Variants in ANKRD11 observed in about 807,000 individuals in gnomAD.
ANKRD11 encodes ankyrin repeat domain 11.
ANKRD11 carries 17 observed loss-of-function variants against 195.7 expected under a neutral mutation model. That is an observed-to-expected ratio of 0.09 (90% CI 0.06 to 0.13). ANKRD11 has a LOEUF of 0.13. ANKRD11 is among the 10% of genes least tolerant of loss of function. The pLI is 1.00. For synonymous variants in ANKRD11, 1,953 were observed against 1,528.1 expected (o/e 1.28, Z -6.49); for missense variants, 3,735 against 3,566.1 (o/e 1.05, Z -1.21).
chr16:89,448,652 A>G (rs1290889568), intron 1 of ANKRD11, among the ~76,000 whole-genome samples: 2 of 152,262 alleles, frequency 1.3e-5, no homozygotes, highest in Non-Finnish European at 2.9e-5. Flanking sequence ...AAAAGCAGGC[A>G]TTTAATTGCA....
intron 1 of ANKRD11, among the ~76,000 whole-genome samples, chr16:89,433,228 G>A (rs538899844): frequency 6.6e-6 from 1 of 152,192 alleles, no homozygotes; most frequent in Non-Finnish European, 1.5e-5. Context: ...AGGGTTTCAT[G>A]ACAAGGCCCA....
At chr16:89,442,512 C>A (rs533131934) in intron 1 of ANKRD11, among the ~76,000 whole-genome samples, 1 of 152,306 alleles carries the variant, frequency 6.6e-6, no homozygotes, top group Admixed American at 6.5e-5. Context: ...CTGTTTGTCT[C>A]TGTTTCTCTC....
intron 2 of ANKRD11, among the ~76,000 whole-genome samples, chr16:89,384,527 A>G (rs1426718706): frequency 2.3e-5 from 3 of 129,150 alleles, no homozygotes; most frequent in Admixed American, 8.2e-5. Context: ...ATGGAACAGG[A>G]TGGGATGGGA....
intron 2 of ANKRD11, among the ~76,000 whole-genome samples, chr16:89,397,575 A>G (rs955923166): frequency 5.9e-5 from 9 of 152,236 alleles, no homozygotes; most frequent in African/African-American, 1.9e-4. Context: ...CCCTGGCTGC[A>G]GGACAAAGGT....
rs117738771 is a variant in ANKRD11 at position 89,349,545 on chromosome 16, T to C, written c.-59-32467A>G. Among the ~76,000 whole-genome samples the C allele has an allele frequency of 7.9e-3, 1,200 of 152,276 alleles. 12 individuals carry two copies. The highest frequency in any genetic ancestry group is 0.013 in the Admixed American group (204 of 15,292). On this transcript the variant is annotated intron_variant, in intron 2 of 12. Transcript: ENST00000301030. Reference sequence around the variant, plus strand: ...TAATTTCTTAACAAATGTAAAGAAATTGAATGGCAAAATAATCTTTTCCAC... The same window carrying C: ...TAATTTCTTAACAAATGTAAAGAAACTGAATGGCAAAATAATCTTTTCCAC...
chr16:89,291,143 A>G lies in ANKRD11; in HGVS notation c.267T>C (p.Pro89=), dbSNP rs764398304. The change falls in exon 5 of 13, where the codon CCT becomes CCC. Residue 89 remains proline, a synonymous_variant. Transcript: ENST00000301030. The surrounding 1 kb of genome is among the most constrained non-coding windows in gnomAD (Gnocchi z 5.3). ...ACAGCAGCCCGGCCTTCCGGGTGAC[A>G]GGCTCCTTCTTAATCCTCTTCCGCT... ...GPERKRIKKE[P]VTRKAGLLFG... 26 of 1,613,806 alleles carry G rather than the reference A, an allele frequency of 1.6e-5. No individual in the cohort carries two copies. Among genetic ancestry groups the G allele is most frequent in the Non-Finnish European group, 1.8e-5 (21 of 1,179,972 alleles).
At chr16:89,337,601 T>C (rs2151985049) in intron 2 of ANKRD11, among the ~76,000 whole-genome samples, 1 of 151,934 alleles carries the variant, frequency 6.6e-6, no homozygotes, top group East Asian at 1.9e-4. Flanking sequence ...CATGCCCAGA[T>C]AATTTTTTTG....
intron 12 of ANKRD11, 191 bp downstream of exon 12, chr16:89,270,626 C>T (rs2033060965): frequency 6.2e-6 from 4 of 644,574 alleles, no homozygotes; most frequent in Non-Finnish European, 1.1e-5. Context: ...ACTGAGGAGG[C>T]CACACGCAGG....
chr16:89,482,236 C>T (rs910636429), intron 1 of ANKRD11, among the ~76,000 whole-genome samples: 4 of 152,164 alleles, frequency 2.6e-5, no homozygotes, highest in African/African-American at 9.7e-5. Flanking sequence ...CACTGTAGAG[C>T]ACACTGCACC....
chr16:89,296,679 A>G (rs1321067402), intron 4 of ANKRD11, among the ~76,000 whole-genome samples: 3 of 152,212 alleles, frequency 2.0e-5, no homozygotes, highest in Non-Finnish European at 4.4e-5. Context: ...CCCTCTCAGA[A>G]CAGCTTTCTT....
intron 1 of ANKRD11, chr16:89,459,460 ATCCTT>A (rs1174273672): frequency 6.6e-6 from 1 of 152,192 alleles, no homozygotes; most frequent in African/African-American, 2.4e-5. Context: ...GCCTGAAAGT[ATCCTT>A]TCCTTTCTTT....
intron 4 of ANKRD11, chr16:89,300,564 C>A (rs1400981228): frequency 5.7e-6 from 2 of 350,790 alleles, no homozygotes; most frequent in African/African-American, 4.3e-5. Flanking sequence ...CTTGTCGCCT[C>A]TAGCACTGGG....
Position 89,468,279 on chromosome 16 carries a change from A to T in ANKRD11, c.-145+21966T>A, listed in dbSNP as rs192975810. 2.0e-5 allele frequency among the ~76,000 whole-genome samples: 3 copies of T among 152,354 alleles called. No homozygotes were observed. The East Asian group carries it at 5.8e-4, about 29-fold the overall frequency. On this transcript the variant is annotated intron_variant, in intron 1 of 12. Coordinates refer to ENST00000301030, the MANE Select transcript of ANKRD11 (RefSeq NM_013275.6). The stretch of plus-strand genomic sequence containing the variant: ...TGTTGTAGTAGCTATGCCACATGGC[A>T]CAGACTCTATCACCTTCTCACCCAC...
rs769555121 is a variant in ANKRD11 at position 89,280,181 on chromosome 16, C to T, written c.6361G>A (p.Ala2121Thr). The T allele has an allele frequency of 1.2e-5, 20 of 1,609,080 alleles. No homozygotes were observed. Among genetic ancestry groups the T allele is most frequent in the Non-Finnish European group, 1.7e-5 (20 of 1,179,080 alleles). ...HLGQVEPVPWADAFAGPEDDL... is the reference protein window; with the variant it reads ...HLGQVEPVPWTDAFAGPEDDL... Reference sequence around the variant, plus strand: ...TCCTCGGGGCCGGCGAAGGCGTCCGCCCAGGGCACCGGCTCCACCTGGCCG... The same window carrying T: ...TCCTCGGGGCCGGCGAAGGCGTCCGTCCAGGGCACCGGCTCCACCTGGCCG... The change falls in exon 9 of 13, where the codon GCG (alanine) becomes ACG (threonine). Residue 2121 changes from alanine to threonine, a missense_variant. Physicochemically the swap from Ala to Thr is moderately conservative, Grantham distance 58. Transcript: ENST00000301030.
intron 1 of ANKRD11, among the ~76,000 whole-genome samples, chr16:89,472,952 G>A (rs2057137123): frequency 6.6e-6 from 1 of 152,156 alleles, no homozygotes; most frequent in Admixed American, 6.6e-5. Context: ...CACTGTGGGA[G>A]GCTGAGGCAG....
chr16:89,470,557 T>A (rs1023021680), intron 1 of ANKRD11, among the ~76,000 whole-genome samples: 1 of 152,086 alleles, frequency 6.6e-6, no homozygotes, highest in African/African-American at 2.4e-5. Flanking sequence ...AGAAATCTCA[T>A]GAAAGCAGCC....
chr16:89,281,318 A>G lies in ANKRD11; in HGVS notation c.5224T>C (p.Ser1742Pro). ...GTGGGCACGGGCGTGGAGTGCTGCGAGTCGGCGCAGTCGAACACGAGGTCC... is the reference window on the plus strand; with the variant it reads ...GTGGGCACGGGCGTGGAGTGCTGCGGGTCGGCGCAGTCGAACACGAGGTCC... ...YADLVFDCAD[S>P]QHSTPVPTAP... is the part of the protein sequence containing the mutation. The change falls in exon 9 of 13, where the codon TCG becomes CCG. Residue 1742 changes from serine to proline, a missense_variant. Physicochemically the swap from Ser to Pro is moderately conservative, Grantham distance 74. Transcript: ENST00000301030. This position sits in a 1 kb window ranked among gnomAD's most constrained non-coding sequence, Gnocchi z 5.5. 1 of 1,613,852 alleles carries G rather than the reference A, an allele frequency of 6.2e-7. No individual in the cohort carries two copies. The highest frequency in any genetic ancestry group is 8.5e-7 in the Non-Finnish European group (1 of 1,179,826).
chr16:89,301,492 T>C, intron 4 of ANKRD11: 1 of 397,994 alleles, frequency 2.5e-6, no homozygotes. Context: ...CAAGATGGGC[T>C]AGAAGTCCCA....
At chr16:89,443,200 A>C (rs913169035) in intron 1 of ANKRD11, 1 of 152,026 alleles carries the variant, frequency 6.6e-6, no homozygotes, top group East Asian at 1.9e-4. Context: ...CCCTGACCTC[A>C]AGTGATCTGC....
Sources: allele counts gnomAD v4.1 joint callset (sites outside exome capture counted in the v4.1 genomes callset), GRCh38; gene constraint gnomAD v4.1.1; non-coding constraint Gnocchi (gnomAD v3.1); transcripts MANE v1.5; gene names NCBI Gene and HGNC (gene_info 2026-07-23, HGNC 2026-07-21).